Variants in CYB5RL observed in about 807,000 individuals in gnomAD.
CYB5RL encodes the protein NADH-cytochrome b5 reductase-like.
In CYB5RL, 38 loss-of-function variants were observed where a neutral mutation model predicts 37.5. The ratio of observed to expected loss-of-function variants is 1.01; its 90% CI spans 0.78 to 1.33. CYB5RL has a LOEUF of 1.33. CYB5RL is among the 40% of genes most tolerant of loss of function. The probability of loss-of-function intolerance (pLI) is 0.00; values close to 1 mark genes in which losing one functional copy is unlikely to be tolerated. For missense variants in CYB5RL, 388 were observed against 394.4 expected, an observed-to-expected ratio of 0.98 and a Z score of 0.14; for synonymous variants, 141 against 151.9, an observed-to-expected ratio of 0.93 and a Z score of 0.53.
At chr1:54,198,051 A>G (rs1318520047) in intron 1 of CYB5RL, among the ~76,000 whole-genome samples, 1 of 128,400 alleles carries the variant, frequency 7.8e-6, no homozygotes, top group East Asian at 2.2e-4. Flanking sequence ...AAAAAAAAAA[A>G]AAAAAGGGTG....
At chr1:54,182,025 C>T (rs1009159848) in intron 6 of CYB5RL, among the ~76,000 whole-genome samples, 3 of 152,146 alleles carry the variant, frequency 2.0e-5, no homozygotes, top group Non-Finnish European at 2.9e-5. Context: ...AGCCACAAGG[C>T]ATTGGGAGGC....
chr1:54,197,315 T>C (rs1179664303), intron 1 of CYB5RL, among the ~76,000 whole-genome samples: 1 of 134,786 alleles, frequency 7.4e-6, no homozygotes, highest in African/African-American at 2.7e-5. Context: ...TTCTTTTCTT[T>C]TCTTTTTTTT....
rs572631963 is a variant in CYB5RL, at chr1:54,173,928, G to C, written c.*691C>G. ...GAAGGCACAGGCTGAGTGGCTGCCT[G>C]CAGGAGGAGGGAGGGGCGTTTCCTT... On this transcript the variant is annotated 3_prime_UTR_variant, in exon 8 of 8. Transcript: ENST00000534324. 6 of 153,448 alleles carry C rather than the reference G, an allele frequency of 3.9e-5. No homozygotes were observed. The highest frequency in any genetic ancestry group is 7.3e-5 in the Non-Finnish European group (5 of 68,684). The allele number at this position is 153,448 out of a possible 1,614,324, so 9.5% of individuals were successfully genotyped here. A position where few individuals can be genotyped will look rare whatever the true frequency, so the allele number is the denominator to read the frequency against.
Position 54,190,827 on chromosome 1 carries a change from T to G in CYB5RL, c.268A>C (p.Lys90Gln). 1 of 1,601,724 alleles carries G rather than the reference T, an allele frequency of 6.2e-7. No individual in the cohort carries two copies. Among genetic ancestry groups the G allele is most frequent in the Non-Finnish European group, 8.5e-7 (1 of 1,174,496 alleles). The change falls in exon 4 of 8, where the codon AAG becomes CAG. Residue 90 changes from lysine to glutamine, a missense_variant. Coordinates refer to ENST00000534324, the MANE Select transcript of CYB5RL (RefSeq NM_001031672.4). ...FCIIAMDRLTKDTYRVRFALP... is the reference protein window; with the variant it reads ...FCIIAMDRLTQDTYRVRFALP... ...GCAAACCGGACACGGTAGGTGTCCT[T>G]AGTGAGCCTGTCCATGGCAATGATG...
At position 54,172,335 on chromosome 1, in the gene CYB5RL, C is replaced by CTTTTTTTTTTTTT. The variant is rs71066905; in HGVS notation, c.*2271_*2283dup. The CTTTTTTTTTTTTT allele has an allele frequency of 1.9e-5, 2 of 104,858 alleles. No homozygotes were observed. The highest frequency in any genetic ancestry group is 1.8e-5 in the Non-Finnish European group (1 of 55,664). The allele number at this position is 104,858 out of a possible 1,614,324, so 6.5% of individuals were successfully genotyped here. Reference sequence around the variant, plus strand: ...GCGCATACCACCACATAAGGTTAATCTTTTTTTTTTTTTTTTTTTTGTAGA... The same window carrying CTTTTTTTTTTTTT: ...GCGCATACCACCACATAAGGTTAATCTTTTTTTTTTTTTTTTTTTTTTTTTTTTTTTTTGTAGA... On this transcript the variant is annotated 3_prime_UTR_variant, in exon 8 of 8. Transcript: ENST00000534324.
rs974985831 is a variant in CYB5RL at position 54,171,448 on chromosome 1, G to A, written c.*3171C>T. On this transcript the variant is annotated 3_prime_UTR_variant, in exon 8 of 8. Coordinates refer to ENST00000534324, the MANE Select transcript of CYB5RL (RefSeq NM_001031672.4). ...CTGGTCTCAGCGTGGAGGTGGCATG[G>A]AGACTGGGAGCTGGGAGACCCATGA... 2.2e-6 allele frequency: 1 copy of A among 456,088 alleles called. No homozygotes were observed. Among genetic ancestry groups the A allele is most frequent in the African/African-American group, 2.0e-5 (1 of 50,050 alleles). 28.3% of individuals were successfully genotyped at this position (456,088 alleles called of 1,614,324 possible). A position where few individuals can be genotyped will look rare whatever the true frequency, so the allele number is the denominator to read the frequency against.
At position 54,180,407 on chromosome 1, in the gene CYB5RL, A is replaced by G. The variant is rs1016472200; in HGVS notation, c.541-1055T>C. Among the ~76,000 whole-genome samples the G allele has an allele frequency of 1.1e-4, 17 of 151,876 alleles. 1 individual carries two copies. Among genetic ancestry groups the G allele is most frequent in the African/African-American group, 4.1e-4 (17 of 41,410 alleles). The stretch of plus-strand genomic sequence containing the variant: ...GTTCACGAGGTCAGGAGATCGAGCC[A>G]TCCTGGCTAACACGGTGAAACCCCA... On this transcript the variant is annotated intron_variant, in intron 6 of 7. Transcript: ENST00000534324.
rs1002351476 is a variant in CYB5RL at position 54,169,853 on chromosome 1, C to T, written c.*4766G>A. On this transcript the variant is annotated 3_prime_UTR_variant, in exon 8 of 8. Coordinates refer to ENST00000534324, the MANE Select transcript of CYB5RL (RefSeq NM_001031672.4). ...CCCCATCCCATTCCCTTCCACCTAT[C>T]ACCACAGGCCACCACTATCCTTGAA... 1 of 152,204 alleles carries T rather than the reference C, an allele frequency of 6.6e-6. No individual in the cohort carries two copies. Among genetic ancestry groups the T allele is most frequent in the African/African-American group, 2.4e-5 (1 of 41,460 alleles). The allele number at this position is 152,204 out of a possible 1,614,324, so 9.4% of individuals were successfully genotyped here. A position where few individuals can be genotyped will look rare whatever the true frequency, so the allele number is the denominator to read the frequency against.
At chr1:54,193,928 C>G (rs1316309720) in intron 3 of CYB5RL, among the ~76,000 whole-genome samples, 1 of 150,780 alleles carries the variant, frequency 6.6e-6, no homozygotes, top group Admixed American at 6.6e-5. Context: ...TGAGATCATG[C>G]CACTGTACTC....
chr1:54,196,647 A>C lies in CYB5RL; in HGVS notation c.-222-156T>G, dbSNP rs193255998. Among the ~76,000 whole-genome samples the C allele has an allele frequency of 5.3e-5, 8 of 152,312 alleles. No homozygotes were observed. In the South Asian group the frequency reaches 8.3e-4, roughly 16 times the overall value. ...AAGCCACCTGTGTCCCTTCCTGATA[A>C]CTGCACTTCCCCAGGTGATAATTAT... On this transcript the variant is annotated intron_variant, in intron 1 of 7. Coordinates refer to ENST00000534324, the MANE Select transcript of CYB5RL (RefSeq NM_001031672.4).
In CYB5RL at chr1:54,198,806, TTTA is replaced by T. The variant is rs777607303; in HGVS notation, c.-223+1167_-223+1169del. On this transcript the variant is annotated intron_variant, in intron 1 of 7. Transcript: ENST00000534324. ...GCCATCACGCCTCGCTAATTTTTTT[TTTA>T]TTATTTTTAGAGAGGAGGTCTCACC... is the stretch of plus-strand genomic sequence containing the variant. 1.3e-3 allele frequency among the ~76,000 whole-genome samples: 200 copies of T among 151,830 alleles called. 2 individuals carry two copies. The highest frequency in any genetic ancestry group is 1.1e-3 in the Non-Finnish European group (78 of 67,976).
chr1:54,193,471 C>T (rs988942928), intron 3 of CYB5RL, among the ~76,000 whole-genome samples: 1 of 152,188 alleles, frequency 6.6e-6, no homozygotes, highest in African/African-American at 2.4e-5. Flanking sequence ...TTGTCACGAA[C>T]ATTCCCCAGT....
chr1:54,181,208 C>G (rs1365851532), intron 6 of CYB5RL, among the ~76,000 whole-genome samples: 1 of 152,164 alleles, frequency 6.6e-6, no homozygotes, highest in African/African-American at 2.4e-5. Flanking sequence ...CTTTGGAGGG[C>G]CTTTCCCAAG....
chr1:54,178,699 A>T (rs940954908), intron 7 of CYB5RL, among the ~76,000 whole-genome samples: 1 of 152,196 alleles, frequency 6.6e-6, no homozygotes, highest in African/African-American at 2.4e-5. Context: ...GCCTGGCATC[A>T]TGCTAAGCAC....
At chr1:54,197,141 G>A (rs1644014470) in intron 1 of CYB5RL, among the ~76,000 whole-genome samples, 1 of 152,098 alleles carries the variant, frequency 6.6e-6, no homozygotes, top group Admixed American at 6.6e-5. Flanking sequence ...ATCCAGTTGT[G>A]AGTTGGATTA....
intron 7 of CYB5RL, among the ~76,000 whole-genome samples, chr1:54,175,819 G>T (rs1210423524): frequency 6.6e-6 from 1 of 152,156 alleles, no homozygotes; most frequent in African/African-American, 2.4e-5. Context: ...GATGTGCATA[G>T]ATTACATGCA....
chr1:54,188,923 G>C (rs754211780), intron 4 of CYB5RL, among the ~76,000 whole-genome samples: 4 of 152,220 alleles, frequency 2.6e-5, no homozygotes, highest in Admixed American at 2.6e-4. Context: ...GGTGGCTCAC[G>C]TCTATAATCC....
Position 54,195,702 on chromosome 1 carries a change from G to T in CYB5RL, c.-86C>A. 1 of 1,446,922 alleles carries T rather than the reference G, an allele frequency of 6.9e-7. No homozygotes were observed. Among genetic ancestry groups the T allele is most frequent in the Non-Finnish European group, 9.3e-7 (1 of 1,077,954 alleles). The allele number at this position is 1,446,922 out of a possible 1,614,324, so 89.6% of individuals were successfully genotyped here. A position where few individuals can be genotyped will look rare whatever the true frequency, so the allele number is the denominator to read the frequency against. On this transcript the variant is annotated 5_prime_UTR_variant, in exon 3 of 8. Coordinates refer to ENST00000534324, the MANE Select transcript of CYB5RL (RefSeq NM_001031672.4). The stretch of plus-strand genomic sequence containing the variant: ...CTATGAGACCACGGGCGCAGGCCCT[G>T]CTCCTTGGCCAGCCTGGGAGAGGGA...
chr1:54,177,450 G>C (rs1467672928), intron 7 of CYB5RL, among the ~76,000 whole-genome samples: 1 of 152,156 alleles, frequency 6.6e-6, no homozygotes, highest in Non-Finnish European at 1.5e-5. Flanking sequence ...CCACCTGCTT[G>C]GTAAAGCCAT....
Sources: allele counts gnomAD v4.1 joint callset (sites outside exome capture counted in the v4.1 genomes callset), GRCh38; gene constraint gnomAD v4.1.1; transcripts MANE v1.5; gene names NCBI Gene and HGNC (gene_info 2026-07-23, HGNC 2026-07-21).